AACS: variants seen among roughly 807,000 people sequenced by gnomAD.
AACS encodes acetoacetate-CoA ligase.
AACS carries 69 observed loss-of-function variants against 83.1 expected under a neutral mutation model. That is an observed-to-expected ratio of 0.83 (90% CI 0.68 to 1.01). The LOEUF is 1.01. AACS is among the 50% of genes least tolerant of loss of function. AACS has a pLI of 0.00. For missense variants in AACS, 866 were observed against 882.2 expected, an observed-to-expected ratio of 0.98 and a Z score of 0.23; for synonymous variants, 333 against 343.4, an observed-to-expected ratio of 0.97 and a Z score of 0.33.
At chr12:125,100,960 G>A (rs61211588) in intron 5 of AACS, 7,360 of 152,350 alleles carry the variant, frequency 0.048, 198 homozygotes, top group Admixed American at 0.055. Flanking sequence ...CTACCAGGCA[G>A]CCAGGGTGGA....
At chr12:125,091,556 C>G (rs1366468352) in intron 5 of AACS, 33 bp downstream of exon 5, 43 of 1,607,880 alleles carry the variant, frequency 2.7e-5, no homozygotes, top group Non-Finnish European at 3.6e-5. Flanking sequence ...GGGGGCACCC[C>G]TTGCCCTGTG....
chr12:125,134,137 G>C, intron 15 of AACS, 65 bp downstream of exon 15: 1 of 1,553,672 alleles, frequency 6.4e-7, no homozygotes, highest in Non-Finnish European at 8.7e-7. Flanking sequence ...GGGGGTGGGA[G>C]AGGAGGTGCT....
chr12:125,066,677 G>A lies in AACS; in HGVS notation c.133+960G>A, dbSNP rs536609710. 7.2e-5 allele frequency among the ~76,000 whole-genome samples: 11 copies of A among 152,166 alleles called. No homozygotes were observed. The South Asian group carries it at 2.3e-3, about 32-fold the overall frequency. ...TTGGTCAGGCTGGTCTCGAACTCCTGACCTCAGGTGATCCGATCGCCTTGG... is the reference window on the plus strand; with the variant it reads ...TTGGTCAGGCTGGTCTCGAACTCCTAACCTCAGGTGATCCGATCGCCTTGG... On this transcript the variant is annotated intron_variant, in intron 1 of 17. Coordinates refer to ENST00000316519, the MANE Select transcript of AACS (RefSeq NM_023928.5).
chr12:125,109,801 G>GTTTCA (rs1360177244), intron 8 of AACS, among the ~76,000 whole-genome samples: 6 of 152,164 alleles, frequency 3.9e-5, no homozygotes, highest in African/African-American at 1.4e-4. Context: ...CATTTTCAAA[G>GTTTCA]AGCCCAGGCT....
At chr12:125,096,808 T>C (rs1204066668) in intron 5 of AACS, among the ~76,000 whole-genome samples, 2 of 151,534 alleles carry the variant, frequency 1.3e-5, no homozygotes, top group African/African-American at 4.8e-5. Flanking sequence ...GGGGGGTGCA[T>C]CTGGGCACTG....
chr12:125,109,535 A>C (rs1956905981), intron 8 of AACS, among the ~76,000 whole-genome samples: 2 of 152,214 alleles, frequency 1.3e-5, no homozygotes, highest in African/African-American at 4.8e-5. Context: ...TGGAGCCACA[A>C]TGATCTTTCA....
intron 17 of AACS, chr12:125,141,696 CAAAAAA>C (rs60837088): frequency 0.027 from 1,639 of 60,558 alleles, 16 homozygotes; most frequent in Non-Finnish European, 0.042. Context: ...GACTCTGTCT[CAAAAAA>C]AAAAAAAAGA....
intron 5 of AACS, among the ~76,000 whole-genome samples, chr12:125,098,333 T>A (rs1297085992): frequency 1.3e-5 from 2 of 151,736 alleles, no homozygotes; most frequent in Admixed American, 6.6e-5. Flanking sequence ...AGGTTGAGTC[T>A]GAGTGAGCTG....
chr12:125,120,047 T>C (rs1349623997), intron 10 of AACS: 1 of 152,172 alleles, frequency 6.6e-6, no homozygotes, highest in Admixed American at 6.6e-5. Context: ...GGCTGGATGG[T>C]AGACAGGAAT....
intron 3 of AACS, among the ~76,000 whole-genome samples, chr12:125,079,132 G>A (rs1226691296): frequency 6.6e-6 from 1 of 152,052 alleles, no homozygotes; most frequent in African/African-American, 2.4e-5. Flanking sequence ...CCAGGCACAA[G>A]GAACAGCCAG....
rs997926690 is a variant in AACS, at chr12:125,097,770, G to T, written c.571-4909G>T. Among the ~76,000 whole-genome samples, 2 of 152,126 alleles carry T rather than the reference G, an allele frequency of 1.3e-5. No homozygotes were observed. The highest frequency in any genetic ancestry group is 4.8e-5 in the African/African-American group (2 of 41,422). On this transcript the variant is annotated intron_variant, in intron 5 of 17. Coordinates refer to ENST00000316519, the MANE Select transcript of AACS (RefSeq NM_023928.5). The surrounding 1 kb of genome is among the most constrained non-coding windows in gnomAD (Gnocchi z 4.3). Reference sequence around the variant, plus strand: ...AGAGGAGCTCACAAGTCCCCAGGGGGAGCCCCATCTCAGTAACCCCCGCCA... The same window carrying T: ...AGAGGAGCTCACAAGTCCCCAGGGGTAGCCCCATCTCAGTAACCCCCGCCA...
At position 125,069,730 on chromosome 12, in the gene AACS, C is replaced by T. The variant is rs1955807694; in HGVS notation, c.133+4013C>T. On this transcript the variant is annotated intron_variant, in intron 1 of 17. Transcript: ENST00000316519. The stretch of plus-strand genomic sequence containing the variant: ...GTGCCAAGTGTCCTTCTGTGTACCA[C>T]AAGCTGCACGTCGGCTCTCTGTGCA... Among the ~76,000 whole-genome samples, 3 of 152,340 alleles carry T rather than the reference C, an allele frequency of 2.0e-5. No homozygotes were observed. The South Asian group carries it at 6.2e-4, about 32-fold the overall frequency.
intron 10 of AACS, chr12:125,124,434 G>C (rs947161736): frequency 1.4e-5 from 7 of 503,812 alleles, no homozygotes; most frequent in African/African-American, 1.3e-4. Context: ...AAGATAATGG[G>C]TTCGGGTGAG....
At position 125,114,560 on chromosome 12, in the gene AACS, AAGG is replaced by A. The variant is rs1957016406; in HGVS notation, c.996+4_996+6del. The A allele has an allele frequency of 6.2e-7, 1 of 1,612,492 alleles. No individual in the cohort carries two copies. Among genetic ancestry groups the A allele is most frequent in the Non-Finnish European group, 8.5e-7 (1 of 1,179,402 alleles). On this transcript the variant is annotated splice_donor_5th_base_variant and intron_variant, in intron 9 of 17. Transcript: ENST00000316519. ...ACATCCTCCTGTGCTACACCACGGT[AAGG>A]GCTTCCCCAGGTGCTGGCCTGTGCT...
Position 125,116,258 on chromosome 12 carries a change from C to T in AACS, c.996+1701C>T, listed in dbSNP as rs577161517. 2.6e-5 allele frequency among the ~76,000 whole-genome samples: 4 copies of T among 152,146 alleles called. No homozygotes were observed. The South Asian group carries it at 6.2e-4, about 24-fold the overall frequency. ...CCAGCAGCTACGATGATGCAGGATT[C>T]GGCTGCCTCCCTGGGACACGGCAAT... On this transcript the variant is annotated intron_variant, in intron 9 of 17. Transcript: ENST00000316519.
At chr12:125,119,755 A>G (rs1250325266) in intron 10 of AACS, 3 of 152,200 alleles carry the variant, frequency 2.0e-5, no homozygotes, top group Admixed American at 2.0e-4. Context: ...GACAGCTAAA[A>G]CATATCAGAG....
At position 125,116,431 on chromosome 12, in the gene AACS, G is replaced by T. The variant is rs142192177; in HGVS notation, c.996+1874G>T. ...AGTTAGATTTTTCCTGGAGCAGCTT[G>T]ACCCCACCTGTGTTCTTTTATTTTT... On this transcript the variant is annotated intron_variant, in intron 9 of 17. Coordinates refer to ENST00000316519, the MANE Select transcript of AACS (RefSeq NM_023928.5). Among the ~76,000 whole-genome samples the T allele has an allele frequency of 8.5e-5, 13 of 152,188 alleles. No homozygotes were observed. The East Asian group carries it at 2.5e-3, about 29-fold the overall frequency.
At chr12:125,133,414 CTG>C (rs1957355396) in intron 14 of AACS, among the ~76,000 whole-genome samples, 1 of 152,256 alleles carries the variant, frequency 6.6e-6, no homozygotes, top group Non-Finnish European at 1.5e-5. Context: ...CCTGCTGACA[CTG>C]TGTTGCTGTC....
At chr12:125,074,831 T>A (rs1401380391) in intron 2 of AACS, among the ~76,000 whole-genome samples, 1 of 151,450 alleles carries the variant, frequency 6.6e-6, no homozygotes, top group African/African-American at 2.4e-5. Context: ...GCCTGGCTAA[T>A]TTTTGTATTT....
Sources: gnomAD v4.1 joint callset for allele counts (sites outside exome capture counted in the v4.1 genomes callset) on GRCh38, gnomAD v4.1.1 for gene constraint, Gnocchi (gnomAD v3.1) non-coding constraint, MANE v1.5 for transcripts, NCBI Gene and HGNC (gene_info 2026-07-23, HGNC 2026-07-21) for gene names.